ME1: variants seen among roughly 807,000 people sequenced by gnomAD.
ME1 encodes the protein malic enzyme 1.
ME1 carries 74 observed loss-of-function variants against 66.4 expected under a neutral mutation model. The observed-to-expected ratio is 1.11, with a 90% CI of 0.92 to 1.35. The LOEUF is 1.35. Ranked by LOEUF, ME1 falls within the 40% of genes most tolerant of loss-of-function variation. The probability of loss-of-function intolerance (pLI) is 0.00; values close to 1 mark genes in which losing one functional copy is unlikely to be tolerated. For synonymous variants in ME1, 251 were observed against 235.6 expected, an observed-to-expected ratio of 1.07 and a Z score of -0.60; for missense variants, 750 against 694.1, an observed-to-expected ratio of 1.08 and a Z score of -0.90.
chr6:83,286,050 C>T (rs1337406015), intron 6 of ME1, among the ~76,000 whole-genome samples: 1 of 152,118 alleles, frequency 6.6e-6, no homozygotes. Flanking sequence ...AGATGCCATC[C>T]TGTTTGCACT....
intron 6 of ME1, among the ~76,000 whole-genome samples, chr6:83,292,051 G>C (rs1158319678): frequency 6.6e-6 from 1 of 151,914 alleles, no homozygotes; most frequent in Non-Finnish European, 1.5e-5. Context: ...TAGCTTCCTT[G>C]CGATGGGTTA....
At position 83,430,861 on chromosome 6, in the gene ME1, G is replaced by A; in HGVS notation, c.78+16C>T. 2 of 1,592,034 alleles carry A rather than the reference G, an allele frequency of 1.3e-6. No homozygotes were observed. Among genetic ancestry groups the A allele is most frequent in the Non-Finnish European group, 1.7e-6 (2 of 1,168,628 alleles). On this transcript the variant is annotated intron_variant, in intron 1 of 13. Transcript: ENST00000369705. ...GAGAGGGGCCGATGGGCGGCCAGGTGGGCCTGCGGGTTTACCTTGTTGAGG... is the reference window on the plus strand; with the variant it reads ...GAGAGGGGCCGATGGGCGGCCAGGTAGGCCTGCGGGTTTACCTTGTTGAGG...
intron 6 of ME1, among the ~76,000 whole-genome samples, chr6:83,263,858 A>T (rs1365231356): frequency 6.6e-6 from 1 of 151,980 alleles, no homozygotes; most frequent in Admixed American, 6.6e-5. Context: ...AAGGTGAAGC[A>T]GAAAGTACTG....
At chr6:83,230,128 G>GTTT (rs201960546) in intron 9 of ME1, among the ~76,000 whole-genome samples, 42 of 150,010 alleles carry the variant, frequency 2.8e-4, no homozygotes, top group African/African-American at 9.5e-4. Flanking sequence ...GCCAGGCTCT[G>GTTT]TTTTTTTTTG....
intron 1 of ME1, among the ~76,000 whole-genome samples, chr6:83,408,491 C>A (rs1333844232): frequency 2.6e-5 from 4 of 152,174 alleles, no homozygotes; most frequent in Non-Finnish European, 5.9e-5. Flanking sequence ...TGTTTCTCTG[C>A]CCTTTATGTC....
chr6:83,408,470 A>T (rs1400256771), intron 1 of ME1, among the ~76,000 whole-genome samples: 3 of 152,152 alleles, frequency 2.0e-5, no homozygotes, highest in Non-Finnish European at 2.9e-5. Flanking sequence ...CATGGTCAAG[A>T]TATTCTTCCC....
chr6:83,325,545 A>C (rs1768272143), intron 5 of ME1, among the ~76,000 whole-genome samples: 1 of 152,212 alleles, frequency 6.6e-6, no homozygotes, highest in African/African-American at 2.4e-5. Flanking sequence ...ATATACAAAA[A>C]TCACAAGCAT....
chr6:83,266,147 A>G (rs1438944688), intron 6 of ME1, among the ~76,000 whole-genome samples: 2 of 152,332 alleles, frequency 1.3e-5, no homozygotes, highest in Non-Finnish European at 1.5e-5. Context: ...AAAGATAACA[A>G]TCATTCAGAT....
intron 1 of ME1, among the ~76,000 whole-genome samples, chr6:83,414,220 G>A (rs1009343425): frequency 8.0e-5 from 12 of 150,682 alleles, no homozygotes; most frequent in African/African-American, 2.9e-4. Context: ...ACACGGTAAA[G>A]TTTACATCAG....
At chr6:83,343,872 C>T (rs1768635639) in intron 5 of ME1, among the ~76,000 whole-genome samples, 1 of 152,056 alleles carries the variant, frequency 6.6e-6, no homozygotes, top group African/African-American at 2.4e-5. Flanking sequence ...ATAATACAAT[C>T]TCTCTCATGA....
intron 2 of ME1, among the ~76,000 whole-genome samples, chr6:83,404,144 C>T (rs750749798): frequency 5.9e-5 from 9 of 152,122 alleles, no homozygotes; most frequent in Non-Finnish European, 1.2e-4. Flanking sequence ...ATTCCTATTT[C>T]TCTACAGCCT....
chr6:83,395,583 C>G (rs1223769503), intron 3 of ME1, among the ~76,000 whole-genome samples: 1 of 151,180 alleles, frequency 6.6e-6, no homozygotes, highest in African/African-American at 2.4e-5. Context: ...TCAAGCGATT[C>G]TCCTTCCTCA....
chr6:83,360,360 T>G (rs893800587), intron 3 of ME1, among the ~76,000 whole-genome samples: 16 of 152,184 alleles, frequency 1.1e-4, no homozygotes, highest in Non-Finnish European at 1.5e-5. Context: ...CTGACGTTGA[T>G]TCCAGGGGAC....
intron 10 of ME1, among the ~76,000 whole-genome samples, chr6:83,228,600 A>G (rs1199764715): frequency 6.6e-6 from 1 of 152,180 alleles, no homozygotes; most frequent in Non-Finnish European, 1.5e-5. Flanking sequence ...CCAGGTATTA[A>G]CAGGCTGAGT....
rs2128521926 is a variant in ME1, at chr6:83,211,989, T to G, written c.1654A>C (p.Ile552Leu). Residue 552 changes from isoleucine to leucine, a missense_variant, in exon 14 of 14, where the codon ATT becomes CTT. Ile to Leu is a conservative substitution (Grantham distance 5). Coordinates refer to ENST00000369705, the MANE Select transcript of ME1 (RefSeq NM_002395.6). Reference sequence around the variant, plus strand: ...GGCCAAGAATAACAATCAGGTAGAATCTGGTCATAATCAGTACTATACATC... The same window carrying G: ...GGCCAAGAATAACAATCAGGTAGAAGCTGGTCATAATCAGTACTATACATC... ...SQMYSTDYDQ[I>L]LPDCYSWPEE... is the part of the protein sequence containing the mutation. 2 of 1,611,194 alleles carry G rather than the reference T, an allele frequency of 1.2e-6. No homozygotes were observed. Among genetic ancestry groups the G allele is most frequent in the Middle Eastern group, 3.3e-4 (2 of 6,038 alleles).
At chr6:83,271,631 T>C (rs1386301783) in intron 6 of ME1, among the ~76,000 whole-genome samples, 2 of 152,004 alleles carry the variant, frequency 1.3e-5, no homozygotes, top group African/African-American at 4.8e-5. Flanking sequence ...CCAGAAAAAA[T>C]GGTTAAAGTT....
intron 5 of ME1, among the ~76,000 whole-genome samples, chr6:83,325,962 A>C (rs1235789959): frequency 2.6e-5 from 4 of 151,730 alleles, no homozygotes; most frequent in African/African-American, 7.2e-5. Context: ...AAAAAAAAAA[A>C]ACAAAGCTGG....
chr6:83,311,379 A>G (rs1767929645), intron 6 of ME1, among the ~76,000 whole-genome samples: 1 of 152,138 alleles, frequency 6.6e-6, no homozygotes, highest in Admixed American at 6.6e-5. Context: ...AGGATTTAAC[A>G]TGTGGCAAGA....
chr6:83,241,219 A>C (rs547832244), intron 7 of ME1, among the ~76,000 whole-genome samples: 7 of 152,278 alleles, frequency 4.6e-5, no homozygotes, highest in Admixed American at 1.3e-4. Flanking sequence ...ATAGTAGCTC[A>C]AGCTATCTCT....
Sources: allele counts gnomAD v4.1 joint callset (sites outside exome capture counted in the v4.1 genomes callset), GRCh38; gene constraint gnomAD v4.1.1; transcripts MANE v1.5; gene names NCBI Gene and HGNC (gene_info 2026-07-23, HGNC 2026-07-21).